The following RAB33A variants were observed in gnomAD, a reference collection of about 807,000 sequenced individuals.
The protein encoded by RAB33A is ras-related protein Rab-33A.
RAB33A carries 6 observed loss-of-function variants against 12.0 expected under a neutral mutation model. That is an observed-to-expected ratio of 0.50 (90% CI 0.27 to 0.99). The LOEUF is 0.99. Among genes scored for constraint, RAB33A ranks in the 50% least tolerant of loss-of-function variants. The pLI, the probability that RAB33A is intolerant of heterozygous loss-of-function variation, is 0.11. For missense variants in RAB33A, 109 were observed against 192.0 expected, an observed-to-expected ratio of 0.57 and a Z score of 2.55; for synonymous variants, 70 against 82.4, an observed-to-expected ratio of 0.85 and a Z score of 0.81.
At chrX:130,151,465 C>G in the RAB33A span, among the ~76,000 whole-genome samples, 4 of 111,456 alleles carry the variant, frequency 3.6e-5, no homozygotes, top group Non-Finnish European at 5.6e-5. Context: ...AAGAATACTT[C>G]TATGACTTCC....
chrX:130,155,558 G>A, the RAB33A span, among the ~76,000 whole-genome samples: 1 of 112,459 alleles, frequency 8.9e-6, no homozygotes, highest in Non-Finnish European at 1.9e-5. Context: ...ATCAGGGGAT[G>A]AGGATATAGG....
At chrX:130,136,664 G>A in the RAB33A span, 1 of 1,210,311 alleles carries the variant, frequency 8.3e-7, no homozygotes, top group Admixed American at 2.2e-5. Context: ...CTTTCAGCTT[G>A]ATAAGTAACT....
At chrX:130,170,539 A>C (rs2031593820), upstream of RAB33A, among the ~76,000 whole-genome samples, 1 of 112,638 alleles carries the variant, frequency 8.9e-6, no homozygotes, top group African/African-American at 3.2e-5. Context: ...AGTAAAGTCG[A>C]TTTCAAACAA....
chrX:130,137,804 T>C, the RAB33A span: 2 of 924,762 alleles, frequency 2.2e-6, no homozygotes, highest in Non-Finnish European at 2.7e-6. Context: ...GACTCACACC[T>C]ATAATCCCAG....
At chrX:130,130,747 C>A in the RAB33A span, among the ~76,000 whole-genome samples, 1 of 111,997 alleles carries the variant, frequency 8.9e-6, no homozygotes, top group Admixed American at 9.5e-5. Flanking sequence ...TTAGACAAAG[C>A]AGAAGGCACT....
the RAB33A span, among the ~76,000 whole-genome samples, chrX:130,123,621 C>T: frequency 5.8e-5 from 6 of 103,524 alleles, no homozygotes; most frequent in African/African-American, 1.8e-4. Flanking sequence ...CGCTTGAACC[C>T]GGGAGGTGGA....
the RAB33A span, chrX:130,147,439 T>C: frequency 8.3e-7 from 1 of 1,205,962 alleles, no homozygotes; most frequent in African/African-American, 1.7e-5. Flanking sequence ...AATCCTAACC[T>C]ATTCTCTGTG....
the RAB33A span, chrX:130,148,059 C>T: frequency 1.9e-6 from 1 of 538,811 alleles, no homozygotes; most frequent in African/African-American, 2.3e-5. Flanking sequence ...GCAAGTATCC[C>T]TTTCATTTCA....
the RAB33A span, among the ~76,000 whole-genome samples, chrX:130,121,151 C>A: frequency 4.4e-5 from 5 of 112,642 alleles, no homozygotes; most frequent in South Asian, 1.8e-3. Flanking sequence ...TGAAGTCACA[C>A]TGGGCCGGAT....
chrX:130,137,072 C>T, the RAB33A span: 1 of 1,211,344 alleles, frequency 8.3e-7, no homozygotes, highest in Non-Finnish European at 1.1e-6. Context: ...GAAACAGTCT[C>T]TCTACCTCGT....
intron 1 of RAB33A, among the ~76,000 whole-genome samples, chrX:130,172,597 C>T (rs2031622938): frequency 8.9e-6 from 1 of 112,098 alleles, no homozygotes; most frequent in African/African-American, 3.2e-5. Context: ...GTTGGATTCC[C>T]ATCCATGACC....
upstream of RAB33A, among the ~76,000 whole-genome samples, chrX:130,170,144 G>A (rs1439269563): frequency 1.8e-5 from 2 of 112,688 alleles, no homozygotes; most frequent in Non-Finnish European, 1.9e-5. Flanking sequence ...CCACATATAT[G>A]ATAAAAGGGT....
At chrX:130,134,676 C>T in the RAB33A span, among the ~76,000 whole-genome samples, 3 of 109,734 alleles carry the variant, frequency 2.7e-5, no homozygotes, top group African/African-American at 1.0e-4. Context: ...AAGCAGAGGG[C>T]GAGAACCTCC....
upstream of RAB33A, among the ~76,000 whole-genome samples, chrX:130,167,871 A>G (rs1251092318): frequency 9.1e-6 from 1 of 109,640 alleles, no homozygotes; most frequent in Non-Finnish European, 1.9e-5. Flanking sequence ...TTTTGGTGGA[A>G]TGGGGATAGA....
the RAB33A span, chrX:130,136,213 A>C: frequency 8.3e-7 from 1 of 1,208,939 alleles, no homozygotes; most frequent in South Asian, 1.8e-5. Flanking sequence ...TAATTCAGTC[A>C]ATTACCACAG....
upstream of RAB33A, among the ~76,000 whole-genome samples, chrX:130,171,477 C>T (rs1027316712): frequency 4.4e-5 from 5 of 112,378 alleles, no homozygotes; most frequent in East Asian, 1.4e-3. Context: ...AGGTGCAGCT[C>T]TTTGTCCTCC....
chrX:130,166,811 G>T, the RAB33A span, among the ~76,000 whole-genome samples: 66 of 112,006 alleles, frequency 5.9e-4, no homozygotes, highest in Non-Finnish European at 2.1e-4. Context: ...CCCCATGTCA[G>T]TCGAGGAGCA....
At chrX:130,131,934 G>A in the RAB33A span, 1 of 775,208 alleles carries the variant, frequency 1.3e-6, no homozygotes, top group East Asian at 3.3e-5. Context: ...TGCAATGGGT[G>A]CGAACTCAGT....
At chrX:130,110,913 G>T in the RAB33A span, among the ~76,000 whole-genome samples, 1 of 96,975 alleles carries the variant, frequency 1.0e-5, no homozygotes, top group Admixed American at 1.1e-4. Context: ...ACACGTCCCC[G>T]CAGGCGGCGG....
Sources: allele counts gnomAD v4.1 joint callset (sites outside exome capture counted in the v4.1 genomes callset), GRCh38; gene constraint gnomAD v4.1.1; transcripts MANE v1.5; gene names NCBI Gene and HGNC (gene_info 2026-07-23, HGNC 2026-07-21).